DOP1A: variants seen among roughly 807,000 people sequenced by gnomAD.
DOP1A encodes the protein DOP1 leucine zipper like protein A.
Under a neutral mutation model 267.6 loss-of-function variants are expected in DOP1A, and 90 were observed. That is an observed-to-expected ratio of 0.34 (90% CI 0.28 to 0.40). The LOEUF (loss-of-function observed/expected upper bound fraction) is 0.40, where lower values mean the gene tolerates loss of function less well. Among genes scored for constraint, DOP1A ranks in the 10% least tolerant of loss-of-function variants. The probability of loss-of-function intolerance (pLI) is 1.00; values close to 1 mark genes in which losing one functional copy is unlikely to be tolerated. For missense variants in DOP1A, 2,437 were observed against 2,900.4 expected, an observed-to-expected ratio of 0.84 and a Z score of 3.67; for synonymous variants, 932 against 999.1, an observed-to-expected ratio of 0.93 and a Z score of 1.27.
At chr6:83,087,222 A>G (rs1769439667) in intron 1 of DOP1A, among the ~76,000 whole-genome samples, 1 of 152,324 alleles carries the variant, frequency 6.6e-6, no homozygotes, top group African/African-American at 2.4e-5. Flanking sequence ...ATCTTTAGCA[A>G]TGATGGAGGG....
chr6:83,169,904 C>G (rs956516418), downstream of DOP1A: 2 of 419,440 alleles, frequency 4.8e-6, no homozygotes, highest in African/African-American at 4.1e-5. Flanking sequence ...AAAAACAAAT[C>G]AAGAGTCCAG....
intron 7 of DOP1A, among the ~76,000 whole-genome samples, chr6:83,113,853 T>C (rs553705373): frequency 3.9e-4 from 59 of 152,330 alleles, no homozygotes; most frequent in South Asian, 1.4e-3. Flanking sequence ...CTATAGTACT[T>C]TTATTACAAA....
intron 1 of DOP1A, among the ~76,000 whole-genome samples, chr6:83,083,451 T>A (rs1768509771): frequency 6.6e-6 from 1 of 151,768 alleles, no homozygotes; most frequent in Non-Finnish European, 1.5e-5. Flanking sequence ...AGAAAGATAC[T>A]GATTAAGGGC....
chr6:83,168,868 T>C (rs1786447496), downstream of DOP1A: 4 of 1,047,134 alleles, frequency 3.8e-6, no homozygotes, highest in Non-Finnish European at 4.6e-6. Flanking sequence ...CAAAACATCA[T>C]CTTGCTCATG....
At chr6:83,164,661 A>C in intron 38 of DOP1A, 1 of 1,574,432 alleles carries the variant, frequency 6.4e-7, no homozygotes, top group Middle Eastern at 1.7e-4. Flanking sequence ...CTTCCACAGG[A>C]CAAGGAGGAG....
intron 1 of DOP1A, among the ~76,000 whole-genome samples, chr6:83,092,555 C>CT (rs1562284422): frequency 4.7e-5 from 2 of 42,448 alleles, no homozygotes; most frequent in Non-Finnish European, 1.0e-4. Flanking sequence ...AGTAGTGTCC[C>CT]TCCCCCCCCC....
chr6:83,091,357 T>C (rs1364469698), intron 1 of DOP1A, among the ~76,000 whole-genome samples: 2 of 152,158 alleles, frequency 1.3e-5, no homozygotes, highest in African/African-American at 4.8e-5. Context: ...AAATGTCTCT[T>C]CTCATTTTTC....
intron 1 of DOP1A, among the ~76,000 whole-genome samples, chr6:83,081,976 A>G (rs1449340190): frequency 6.6e-6 from 1 of 152,230 alleles, no homozygotes; most frequent in Non-Finnish European, 1.5e-5. Flanking sequence ...AACTAAAATG[A>G]GATATCATCT....
At chr6:83,080,087 C>T (rs1340168933) in intron 1 of DOP1A, among the ~76,000 whole-genome samples, 1 of 141,352 alleles carries the variant, frequency 7.1e-6, no homozygotes, top group African/African-American at 2.7e-5. Context: ...GTGTACTATT[C>T]TGATATTTAC....
intron 1 of DOP1A, among the ~76,000 whole-genome samples, chr6:83,068,664 G>T (rs1785105237): frequency 6.6e-6 from 1 of 152,202 alleles, no homozygotes; most frequent in South Asian, 2.1e-4. Flanking sequence ...GTTGGCCATT[G>T]TCTATGCAGA....
intron 1 of DOP1A, among the ~76,000 whole-genome samples, chr6:83,089,636 G>T (rs1019805866): frequency 1.3e-5 from 2 of 152,152 alleles, no homozygotes; most frequent in Non-Finnish European, 2.9e-5. Context: ...TGATTTACTT[G>T]CATCACTTTA....
chr6:83,138,079 A>G lies in DOP1A; in HGVS notation c.4037A>G (p.Glu1346Gly), dbSNP rs1228868894. Reference sequence around the variant, plus strand: ...GGAGAGGGAGACATTTCTGAAATTGAGAGTGACATGGGTTCTCCAGGATCT... The same window carrying G: ...GGAGAGGGAGACATTTCTGAAATTGGGAGTGACATGGGTTCTCCAGGATCT... Reference protein sequence around the residue: ...SCGEGDISEIESDMGSPGSRK... With the variant: ...SCGEGDISEIGSDMGSPGSRK... The change falls in exon 21 of 39, where the codon GAG (glutamate) becomes GGG (glycine). Residue 1346 changes from glutamate (E) to glycine (G), a missense_variant. By Grantham distance (98) the Glu-to-Gly change is moderately conservative. Transcript: ENST00000349129. The G allele has an allele frequency of 1.9e-6, 3 of 1,613,722 alleles. No individual in the cohort carries two copies. The highest frequency in any genetic ancestry group is 2.5e-6 in the Non-Finnish European group (3 of 1,179,802).
intron 17 of DOP1A, 106 bp downstream of exon 17, chr6:83,130,503 T>G (rs1777847569): frequency 7.4e-7 from 1 of 1,360,056 alleles, no homozygotes; most frequent in East Asian, 2.4e-5. Context: ...AAAGCTTCAT[T>G]TAAACACCTC....
chr6:83,095,964 A>G lies in DOP1A; in HGVS notation c.-146-767A>G, dbSNP rs1055867038. Among the ~76,000 whole-genome samples, 3 of 152,186 alleles carry G rather than the reference A, an allele frequency of 2.0e-5. No homozygotes were observed. The South Asian group carries it at 6.2e-4, about 32-fold the overall frequency. ...ATGATAAGAGAGTAAAGAGGAAACC[A>G]AAGTGCATTTATGACCTGTTGGCCG... On this transcript the variant is annotated intron_variant, in intron 1 of 38. Coordinates refer to ENST00000349129, the MANE Select transcript of DOP1A (RefSeq NM_015018.4).
chr6:83,156,462 G>C (rs1782815487), intron 34 of DOP1A, among the ~76,000 whole-genome samples: 1 of 152,224 alleles, frequency 6.6e-6, no homozygotes, highest in Admixed American at 6.5e-5. Flanking sequence ...GGCAAAGCCA[G>C]GAAATTGTGG....
At chr6:83,091,187 T>G (rs1437677017) in intron 1 of DOP1A, among the ~76,000 whole-genome samples, 1 of 151,482 alleles carries the variant, frequency 6.6e-6, no homozygotes, top group Non-Finnish European at 1.5e-5. Context: ...GAGGATACCA[T>G]GGGAAAGACC....
At chr6:83,168,627 G>A (rs1472813037), downstream of DOP1A, 12 of 996,200 alleles carry the variant, frequency 1.2e-5, no homozygotes, top group Non-Finnish European at 1.4e-5. Context: ...ACCAAGAGCA[G>A]TGAAGAATAA....
chr6:83,115,393 A>T (rs1775243069), intron 7 of DOP1A, among the ~76,000 whole-genome samples: 1 of 152,206 alleles, frequency 6.6e-6, no homozygotes, highest in Admixed American at 6.5e-5. Flanking sequence ...TTACAGTGAG[A>T]ACACTTAAAA....
At chr6:83,076,832 G>T (rs1021005799) in intron 1 of DOP1A, among the ~76,000 whole-genome samples, 1 of 152,174 alleles carries the variant, frequency 6.6e-6, no homozygotes, top group Admixed American at 6.5e-5. Context: ...GTTGATAGCA[G>T]CACTACTCGT....
Sources: gnomAD v4.1 joint callset for allele counts (sites outside exome capture counted in the v4.1 genomes callset) on GRCh38, gnomAD v4.1.1 for gene constraint, MANE v1.5 for transcripts, NCBI Gene and HGNC (gene_info 2026-07-23, HGNC 2026-07-21) for gene names.